The following DLGAP2 variants were observed in gnomAD, a reference collection of about 807,000 sequenced individuals.
The protein encoded by DLGAP2 is disks large-associated protein 2.
DLGAP2 carries 26 observed loss-of-function variants against 100.3 expected under a neutral mutation model. The observed-to-expected ratio is 0.26, with a 90% CI of 0.19 to 0.36. DLGAP2 has a LOEUF of 0.36. Among genes scored for constraint, DLGAP2 ranks in the 10% least tolerant of loss-of-function variants. The pLI, the probability that DLGAP2 is intolerant of heterozygous loss-of-function variation, is 1.00. For synonymous variants in DLGAP2, 886 were observed against 630.1 expected, an observed-to-expected ratio of 1.41 and a Z score of -6.08; for missense variants, 1,858 against 1,453.2, an observed-to-expected ratio of 1.28 and a Z score of -4.53.
chr8:1,391,007 A>AC (rs1357026818), intron 3 of DLGAP2, among the ~76,000 whole-genome samples: 5 of 152,090 alleles, frequency 3.3e-5, no homozygotes, highest in Non-Finnish European at 7.4e-5. Context: ...CAGCAGCTGA[A>AC]CCCCCCATGT....
At chr8:1,011,815 C>A (rs1257741336) in intron 2 of DLGAP2, among the ~76,000 whole-genome samples, 3 of 152,100 alleles carry the variant, frequency 2.0e-5, no homozygotes, top group African/African-American at 7.2e-5. Flanking sequence ...AGTCCTCAGT[C>A]TGCACAGTGG....
chr8:986,110 G>T (rs1400983878), intron 2 of DLGAP2, among the ~76,000 whole-genome samples: 2 of 152,146 alleles, frequency 1.3e-5, no homozygotes, highest in East Asian at 3.9e-4. Flanking sequence ...AGTATGGCTG[G>T]TTGGGAAGAA....
intron 3 of DLGAP2, among the ~76,000 whole-genome samples, chr8:1,341,162 C>A (rs1470303823): frequency 2.0e-5 from 3 of 152,128 alleles, no homozygotes; most frequent in African/African-American, 7.2e-5. Flanking sequence ...ATGAAATAAT[C>A]TGTACAACAA....
chr8:1,260,208 T>A (rs750789397), intron 3 of DLGAP2, among the ~76,000 whole-genome samples: 2 of 152,194 alleles, frequency 1.3e-5, no homozygotes, highest in Non-Finnish European at 2.9e-5. Flanking sequence ...TGTTGGGTGT[T>A]TGAAAGCTTT....
At chr8:1,418,473 C>G (rs912344286) in intron 3 of DLGAP2, among the ~76,000 whole-genome samples, 4 of 152,112 alleles carry the variant, frequency 2.6e-5, no homozygotes, top group African/African-American at 9.7e-5. Flanking sequence ...CCATCGTTAA[C>G]TTCTTTCTCT....
chr8:1,119,090 A>C (rs12675321), intron 2 of DLGAP2, among the ~76,000 whole-genome samples: 1 of 152,178 alleles, frequency 6.6e-6, no homozygotes, highest in Admixed American at 6.5e-5. Flanking sequence ...AACCGATTCT[A>C]TTTTCAATTG....
intron 3 of DLGAP2, among the ~76,000 whole-genome samples, chr8:1,309,317 G>A (rs1265477158): frequency 1.3e-5 from 2 of 152,158 alleles, no homozygotes; most frequent in African/African-American, 2.4e-5. Flanking sequence ...AATCAAACCA[G>A]TGAGGGATAA....
At chr8:1,525,613 C>G in intron 4 of DLGAP2, among the ~76,000 whole-genome samples, 1 of 152,204 alleles carries the variant, frequency 6.6e-6, no homozygotes, top group African/African-American at 2.4e-5. Flanking sequence ...ATGTGCGAAT[C>G]GCAGAAAGAA....
At chr8:1,130,959 C>T (rs1029325445) in intron 2 of DLGAP2, among the ~76,000 whole-genome samples, 9 of 152,172 alleles carry the variant, frequency 5.9e-5, no homozygotes, top group African/African-American at 2.2e-4. Flanking sequence ...AGGGGCCGGT[C>T]CTGGCTGTGT....
chr8:1,024,472 G>A (rs10867028), intron 2 of DLGAP2, among the ~76,000 whole-genome samples: 40,017 of 57,494 alleles, frequency 0.7, 15,340 homozygotes, highest in African/African-American at 0.84. Context: ...GTCCCGTGCC[G>A]AAGGAGACGC....
intron 2 of DLGAP2, among the ~76,000 whole-genome samples, chr8:1,221,278 C>A (rs377751545): frequency 2.0e-5 from 3 of 152,134 alleles, no homozygotes; most frequent in African/African-American, 7.2e-5. Context: ...AGGACCTCTT[C>A]GAAGGCAGGT....
intron 2 of DLGAP2, among the ~76,000 whole-genome samples, chr8:1,236,141 A>C (rs1210889161): frequency 1.9e-5 from 2 of 103,708 alleles, no homozygotes; most frequent in Non-Finnish European, 1.8e-5. Context: ...TGCCGTGTCT[A>C]GTTCTCTCTC....
intron 1 of DLGAP2, among the ~76,000 whole-genome samples, chr8:807,331 TCTC>T (rs1251876915): frequency 5.9e-5 from 1 of 16,948 alleles, no homozygotes; most frequent in Admixed American, 6.0e-4. Context: ...ATACGTTCTC[TCTC>T]CTCTTTTTCT....
At chr8:1,539,269 C>G (rs538135823) in intron 4 of DLGAP2, among the ~76,000 whole-genome samples, 6 of 152,240 alleles carry the variant, frequency 3.9e-5, no homozygotes, top group Non-Finnish European at 5.9e-5. Context: ...AGCACATATT[C>G]TCTGGGACTT....
At chr8:1,043,047 TGGCTGGC>T (rs1802405994) in intron 2 of DLGAP2, among the ~76,000 whole-genome samples, 1 of 103,910 alleles carries the variant, frequency 9.6e-6, no homozygotes, top group African/African-American at 3.8e-5. Context: ...GTGGTGGATG[TGGCTGGC>T]AGGTGGTGGA....
intron 2 of DLGAP2, among the ~76,000 whole-genome samples, chr8:1,142,128 T>C (rs952654560): frequency 1.3e-5 from 2 of 151,930 alleles, no homozygotes; most frequent in Non-Finnish European, 1.5e-5. Flanking sequence ...TCCTAAGAAA[T>C]CTTTGGAAAG....
At chr8:1,177,590 A>G (rs1296202849) in intron 2 of DLGAP2, among the ~76,000 whole-genome samples, 2 of 152,058 alleles carry the variant, frequency 1.3e-5, no homozygotes, top group African/African-American at 4.8e-5. Flanking sequence ...TTACATTTCA[A>G]CCTCAGAGAA....
At chr8:1,325,726 C>A (rs1256190181) in intron 3 of DLGAP2, among the ~76,000 whole-genome samples, 1 of 152,060 alleles carries the variant, frequency 6.6e-6, no homozygotes, top group Non-Finnish European at 1.5e-5. Context: ...ACTTTGGTAC[C>A]GCTTGCCAAA....
chr8:835,352 G>A (rs559703021), intron 1 of DLGAP2, among the ~76,000 whole-genome samples: 101 of 152,082 alleles, frequency 6.6e-4, no homozygotes, highest in African/African-American at 2.4e-3. Flanking sequence ...GTTTGAAGTG[G>A]CTTTCTCCAG....
Sources: allele counts gnomAD v4.1 joint callset (sites outside exome capture counted in the v4.1 genomes callset), GRCh38; gene constraint gnomAD v4.1.1; transcripts MANE v1.5; gene names NCBI Gene and HGNC (gene_info 2026-07-23, HGNC 2026-07-21).